The following AHR variants were observed in gnomAD, a reference collection of about 807,000 sequenced individuals.
The protein encoded by AHR is aryl hydrocarbon receptor, also known as AH-receptor.
AHR carries 40 observed loss-of-function variants against 86.8 expected under a neutral mutation model. That is an observed-to-expected ratio of 0.46 (90% CI 0.36 to 0.60). AHR has a LOEUF of 0.60. AHR is among the 20% of genes least tolerant of loss of function. AHR has a pLI of 0.00. For missense variants in AHR, 1,001 were observed against 1,011.6 expected (o/e 0.99, Z 0.14); for synonymous variants, 398 against 354.9 (o/e 1.12, Z -1.37).
At chr7:17,335,068 C>A in intron 8 of AHR, 72 bp downstream of exon 8, 1 of 1,120,486 alleles carries the variant, frequency 8.9e-7, no homozygotes, top group Non-Finnish European at 1.3e-6. Flanking sequence ...CAAATTCTTA[C>A]GTAATGTAAA....
chr7:17,322,778 T>C (rs1026331927), intron 3 of AHR, among the ~76,000 whole-genome samples, 171 bp downstream of exon 3: 8 of 152,108 alleles, frequency 5.3e-5, no homozygotes, highest in African/African-American at 1.9e-4. Flanking sequence ...ACTGGAATTA[T>C]AGTCATGCAC....
At chr7:17,305,363 G>T (rs1318224785) in intron 1 of AHR, among the ~76,000 whole-genome samples, 4 of 152,156 alleles carry the variant, frequency 2.6e-5, no homozygotes. Flanking sequence ...ACTGAAGCTG[G>T]GGGAAGGAAA....
Position 17,299,083 on chromosome 7 carries a change from G to A in AHR, c.-182G>A. The A allele has an allele frequency of 1.7e-6, 1 of 595,518 alleles. No homozygotes were observed. The highest frequency in any genetic ancestry group is 2.7e-6 in the Non-Finnish European group (1 of 367,364). 36.9% of individuals were successfully genotyped at this position (595,518 alleles called of 1,614,324 possible). ...ACCTGTACTGGCGCGGGCTGCGGAA[G>A]CCTGCGTGAGCCGAGGCGTTGAGGC... On this transcript the variant is annotated 5_prime_UTR_variant, in exon 1 of 11. Coordinates refer to ENST00000242057, the MANE Select transcript of AHR (RefSeq NM_001621.5).
At chr7:17,308,169 AG>A (rs1303656480) in intron 1 of AHR, among the ~76,000 whole-genome samples, 1 of 152,128 alleles carries the variant, frequency 6.6e-6, no homozygotes, top group East Asian at 1.9e-4. Flanking sequence ...GGCACTTGAT[AG>A]GTGTTCAGCA....
Position 17,330,745 on chromosome 7 carries a change from T to C in AHR, c.575-11T>C, listed in dbSNP as rs1236280069. On this transcript the variant is annotated splice_polypyrimidine_tract_variant and intron_variant, in intron 5 of 10. Transcript: ENST00000242057. The stretch of plus-strand genomic sequence containing the variant: ...TGGAAAGTAAATTTTGTTTTGCCTT[T>C]ATTTCTACAGAAGCCACTGGTCTCC... 6.5e-7 allele frequency: 1 copy of C among 1,540,564 alleles called. No homozygotes were observed.
Position 17,330,767 on chromosome 7 carries a change from C to T in AHR, c.586C>T (p.Leu196Phe), listed in dbSNP as rs775722003. Reference sequence around the variant, plus strand: ...CTTTATTTCTACAGAAGCCACTGGTCTCCCCCAGACAGTAGTCTGTTATAA... The same window carrying T: ...CTTTATTTCTACAGAAGCCACTGGTTTCCCCCAGACAGTAGTCTGTTATAA... The part of the protein sequence containing the change: ...SGQGIEEATG[L>F]PQTVVCYNPD... Residue 196 changes from leucine (L) to phenylalanine (F), a missense_variant, in exon 6 of 11, where the codon CTC becomes TTC. By Grantham distance (22) the Leu-to-Phe change is conservative. Around this residue, in one of 2 missense-constraint regions of AHR, gnomAD observed 394 missense variants for 468.5 expected, o/e 0.84. Transcript: ENST00000242057. 1.3e-6 allele frequency: 2 copies of T among 1,577,722 alleles called. No homozygotes were observed. The highest frequency in any genetic ancestry group is 2.4e-5 in the South Asian group (2 of 83,608).
intron 2 of AHR, among the ~76,000 whole-genome samples, chr7:17,314,627 C>G (rs1782097846): frequency 6.6e-6 from 1 of 151,960 alleles, no homozygotes; most frequent in Admixed American, 6.6e-5. Flanking sequence ...CTCTCTAGAT[C>G]AGAACATTAT....
chr7:17,337,126 AC>A (rs1207786100), intron 9 of AHR, among the ~76,000 whole-genome samples: 2 of 151,994 alleles, frequency 1.3e-5, no homozygotes, highest in African/African-American at 4.8e-5. Context: ...GTGTTACTGT[AC>A]TTTTTGGTGT....
At position 17,345,931 on chromosome 7, in the gene AHR, C is replaced by A. The variant is rs1044615912; in HGVS notation, c.*2867C>A. 6.6e-6 allele frequency: 1 copy of A among 152,634 alleles called. No individual in the cohort carries two copies. 9.5% of individuals were successfully genotyped at this position (152,634 alleles called of 1,614,324 possible). A position where few individuals can be genotyped will look rare whatever the true frequency, so the allele number is the denominator to read the frequency against. On this transcript the variant is annotated 3_prime_UTR_variant, in exon 11 of 11. Coordinates refer to ENST00000242057, the MANE Select transcript of AHR (RefSeq NM_001621.5). ...TTTTCTTACAATACCTGAAGACTTA[C>A]CAGTATTCTAGTGTATTATGAAGCT... is the stretch of plus-strand genomic sequence containing the variant.
rs1781928231 is a variant in AHR, at chr7:17,299,264, C to T, written c.-1C>T. 8 of 1,611,840 alleles carry T rather than the reference C, an allele frequency of 5.0e-6. No homozygotes were observed. The Admixed American group carries it at 5.0e-5, about 10-fold the overall frequency. On this transcript the variant is annotated 5_prime_UTR_variant, in exon 1 of 11. Transcript: ENST00000242057. ...GTAGCCGCCGCCGTCGGCTGGGCAC[C>T]ATGAACAGCAGCAGCGCCAACATCA...
At chr7:17,327,713 C>T in intron 3 of AHR, 46 bp from the exon 4 acceptor site, 1 of 1,055,914 alleles carries the variant, frequency 9.5e-7, no homozygotes, top group Non-Finnish European at 1.4e-6. Context: ...ATCTGATGGT[C>T]AATATTAAGT....
intron 6 of AHR, among the ~76,000 whole-genome samples, chr7:17,333,663 A>G (rs1213243061): frequency 6.6e-6 from 1 of 151,924 alleles, no homozygotes; most frequent in Non-Finnish European, 1.5e-5. Context: ...ATAGGTTTTC[A>G]TGTTATGACC....
At chr7:17,314,942 A>G (rs1219687856) in intron 2 of AHR, among the ~76,000 whole-genome samples, 1 of 152,060 alleles carries the variant, frequency 6.6e-6, no homozygotes, top group Non-Finnish European at 1.5e-5. Flanking sequence ...GAAATCACCA[A>G]ATAAAGTATT....
At chr7:17,309,238 A>G (rs1782037428) in intron 1 of AHR, among the ~76,000 whole-genome samples, 1 of 152,214 alleles carries the variant, frequency 6.6e-6, no homozygotes, top group African/African-American at 2.4e-5. Flanking sequence ...TACGAAAGCT[A>G]ATAATTAAGT....
At chr7:17,319,947 C>A (rs1227879262) in intron 2 of AHR, among the ~76,000 whole-genome samples, 1 of 151,976 alleles carries the variant, frequency 6.6e-6, no homozygotes, top group Non-Finnish European at 1.5e-5. Flanking sequence ...CAATTATTTA[C>A]CAGTGATTAA....
chr7:17,310,627 C>T (rs1043826306), intron 2 of AHR, among the ~76,000 whole-genome samples: 3 of 151,524 alleles, frequency 2.0e-5, no homozygotes, highest in Admixed American at 6.6e-5. Context: ...CTCTGACTCC[C>T]GGGTTCAAGC....
intron 2 of AHR, among the ~76,000 whole-genome samples, chr7:17,314,325 G>A (rs1048640697): frequency 6.6e-6 from 1 of 152,058 alleles, no homozygotes; most frequent in Non-Finnish European, 1.5e-5. Flanking sequence ...TTTATAAAAT[G>A]TAGAATTATT....
intron 1 of AHR, among the ~76,000 whole-genome samples, chr7:17,308,820 T>G (rs1187569905): frequency 2.0e-4 from 31 of 152,290 alleles, no homozygotes; most frequent in Non-Finnish European, 7.4e-5. Flanking sequence ...CATACATCAC[T>G]GAAAAGAAAT....
intron 1 of AHR, among the ~76,000 whole-genome samples, chr7:17,305,380 A>C (rs781480006): frequency 1.3e-5 from 2 of 152,184 alleles, no homozygotes; most frequent in African/African-American, 2.4e-5. Flanking sequence ...GAAATGAAGA[A>C]TGAATGGGGT....
Sources: gnomAD v4.1 joint callset for allele counts (sites outside exome capture counted in the v4.1 genomes callset) on GRCh38, gnomAD v4.1.1 for gene constraint, gnomAD v4.1.1 regional missense constraint, MANE v1.5 for transcripts, NCBI Gene and HGNC (gene_info 2026-07-23, HGNC 2026-07-21) for gene names.